ANO5: variants seen among roughly 807,000 people sequenced by gnomAD.
ANO5 encodes anoctamin-5.
A neutral mutation model predicts 121.0 loss-of-function variants in ANO5; 109 were observed. The observed-to-expected ratio is 0.90, with a 90% CI of 0.77 to 1.06. ANO5 has a LOEUF of 1.06. Ranked by LOEUF, ANO5 falls within the 50% of genes least tolerant of loss-of-function variation. The pLI is 0.00. For missense variants in ANO5, 1,064 were observed against 1,078.5 expected (o/e 0.99, Z 0.19); for synonymous variants, 406 against 359.9 (o/e 1.13, Z -1.45).
At chr11:22,220,034 C>T (rs1434760887) in intron 4 of ANO5, among the ~76,000 whole-genome samples, 1 of 151,600 alleles carries the variant, frequency 6.6e-6, no homozygotes, top group Non-Finnish European at 1.5e-5. Flanking sequence ...ACAGATCAAA[C>T]ATGAGACTTA....
intron 9 of ANO5, among the ~76,000 whole-genome samples, chr11:22,246,069 C>G (rs558950654): frequency 6.6e-6 from 1 of 152,118 alleles, no homozygotes; most frequent in South Asian, 2.1e-4. Context: ...TTCATTTCTA[C>G]GAGATTCTAA....
At chr11:22,222,947 G>A (rs797001825) in intron 5 of ANO5, among the ~76,000 whole-genome samples, 1 of 151,936 alleles carries the variant, frequency 6.6e-6, no homozygotes, top group Non-Finnish European at 1.5e-5. Flanking sequence ...TTCAAGCTTA[G>A]CTGATCATAT....
intron 7 of ANO5, among the ~76,000 whole-genome samples, 167 bp downstream of exon 7, chr11:22,227,753 C>T (rs575122567): frequency 2.0e-5 from 3 of 152,128 alleles, no homozygotes; most frequent in East Asian, 3.9e-4. Flanking sequence ...ACCACATAAA[C>T]GTATTACTCT....
In ANO5 at chr11:22,269,251, GAA is replaced by G. The variant is rs1455884679; in HGVS notation, c.1899-1059_1899-1058del. ...AAGGAAGGAAGGAAGGAGAAAAAAA[GAA>G]AGAGAAGGAAAAGGGAAGGGAAGGG... On this transcript the variant is annotated intron_variant, in intron 17 of 21. Transcript: ENST00000324559. 6.9e-5 allele frequency among the ~76,000 whole-genome samples: 6 copies of G among 86,790 alleles called. 1 individual carries two copies. The highest frequency in any genetic ancestry group is 2.9e-4 in the African/African-American group (5 of 16,952). The allele number at this position is 86,790 out of a possible 152,430, so 56.9% of individuals were successfully genotyped here.
rs1554929640 is a variant in ANO5, at chr11:22,252,054, A to AAAACT, written c.1180+1046_1180+1047insCTAAA. 2.3e-3 allele frequency among the ~76,000 whole-genome samples: 324 copies of AAAACT among 139,952 alleles called. 2 individuals are homozygous for AAAACT. The highest frequency in any genetic ancestry group is 4.1e-3 in the Non-Finnish European group (270 of 66,274). 91.8% of individuals were successfully genotyped at this position (139,952 alleles called of 152,430 possible). A position where few individuals can be genotyped will look rare whatever the true frequency, so the allele number is the denominator to read the frequency against. Reference sequence around the variant, plus strand: ...CAAAAAAAAAAAAAAAAAAAAAAAAAAAAAACTAGGCAAGGGCTGCATTAT... The same window carrying AAAACT: ...CAAAAAAAAAAAAAAAAAAAAAAAAAAAACTAAAAACTAGGCAAGGGCTGCATTAT... On this transcript the variant is annotated intron_variant, in intron 12 of 21. Transcript: ENST00000324559.
In ANO5 at chr11:22,274,596, A is replaced by G. The variant is rs1854761207; in HGVS notation, c.2263A>G (p.Ile755Val). ...NAFIVAFTSDIIPRLVYYYAY... is the reference protein window; with the variant it reads ...NAFIVAFTSDVIPRLVYYYAY... ...CTTTATTGTTGCATTTACGTCAGAC[A>G]TCATTCCCCGTCTAGTTTACTACTA... Residue 755 changes from isoleucine (I) to valine (V), a missense_variant, in exon 20 of 22, where the codon ATC (isoleucine) becomes GTC (valine). Transcript: ENST00000324559. 1.2e-6 allele frequency: 2 copies of G among 1,606,066 alleles called. No individual in the cohort carries two copies. Among genetic ancestry groups the G allele is most frequent in the South Asian group, 1.1e-5 (1 of 90,746 alleles).
chr11:22,227,655 A>G (rs1852889528), intron 7 of ANO5, 69 bp downstream of exon 7: 1 of 1,559,656 alleles, frequency 6.4e-7, no homozygotes, highest in South Asian at 1.1e-5. Flanking sequence ...GCTTTTATAC[A>G]TGTGCAGATG....
intron 1 of ANO5, among the ~76,000 whole-genome samples, chr11:22,201,524 G>A (rs991230035): frequency 6.6e-6 from 1 of 152,120 alleles, no homozygotes; most frequent in African/African-American, 2.4e-5. Context: ...GAGAGAGAGA[G>A]TGTGTTATTC....
At chr11:22,252,013 G>C (rs868571034) in intron 12 of ANO5, among the ~76,000 whole-genome samples, 14 of 101,614 alleles carry the variant, frequency 1.4e-4, no homozygotes, top group Middle Eastern at 0.025. Context: ...CTGAGAGACA[G>C]AGCAAGACGC....
At position 22,259,650 on chromosome 11, in the gene ANO5, C is replaced by G; in HGVS notation, c.1539C>G (p.Thr513=). 1 of 1,613,964 alleles carries G rather than the reference C, an allele frequency of 6.2e-7. No individual in the cohort carries two copies. The highest frequency in any genetic ancestry group is 8.5e-7 in the Non-Finnish European group (1 of 1,179,954). ...QVKSFLTPQI[T]TSLTGSCLNF... ...AAAGCTTCCTTACTCCTCAGATAAC[C>G]ACATCACTCACAGGATCATGCTTGA... Residue 513 remains threonine (T), a synonymous_variant, in exon 15 of 22, where the codon ACC becomes ACG. Coordinates refer to ENST00000324559, the MANE Select transcript of ANO5 (RefSeq NM_213599.3).
intron 8 of ANO5, 26 bp from the exon 9 acceptor site, chr11:22,239,543 T>G (rs1408601158): frequency 6.5e-7 from 1 of 1,528,496 alleles, no homozygotes; most frequent in Non-Finnish European, 9.1e-7. Flanking sequence ...TCGTCTTTTA[T>G]GTACCCTCCT....
intron 7 of ANO5, among the ~76,000 whole-genome samples, chr11:22,234,268 T>C (rs1853142176): frequency 2.0e-5 from 3 of 152,150 alleles, no homozygotes. Context: ...TCCTTGCAAA[T>C]TGATGTGCAT....
intron 6 of ANO5, 132 bp downstream of exon 6, chr11:22,226,184 G>A (rs566985454): frequency 4.7e-5 from 33 of 708,576 alleles, no homozygotes; most frequent in East Asian, 2.7e-5. Flanking sequence ...TATGTGCACC[G>A]GGATGATAGG....
rs1200195629 is a variant in ANO5 at position 22,236,266 on chromosome 11, C to T, written c.752C>T (p.Pro251Leu). The change falls in exon 8 of 22, where the codon CCA becomes CTA. Residue 251 changes from proline to leucine, a missense_variant. Transcript: ENST00000324559. ...LNSNTYSSAY[P>L]LHDGQYWKPS... The stretch of plus-strand genomic sequence containing the variant: ...TCTAACACTTACTCATCTGCCTATC[C>T]ACTCCATGATGTATGTATAGGTTTG... 3 of 1,609,384 alleles carry T rather than the reference C, an allele frequency of 1.9e-6. No individual in the cohort carries two copies. Among genetic ancestry groups the T allele is most frequent in the Non-Finnish European group, 8.5e-7 (1 of 1,176,044 alleles).
chr11:22,259,473 A>C, intron 14 of ANO5, 46 bp from the exon 15 acceptor site: 7 of 1,509,756 alleles, frequency 4.6e-6, no homozygotes, highest in Non-Finnish European at 6.5e-6. Flanking sequence ...TATTCATAAC[A>C]GAGATACAGA....
In ANO5 at chr11:22,221,162, T is replaced by C. The variant is rs1342171097; in HGVS notation, c.246T>C (p.Phe82=). ...FFRDGIRQID[F]VLSYVDDVKK... The stretch of plus-strand genomic sequence containing the variant: ...GAGATGGGATTAGGCAAATTGATTT[T>C]GTGCTTTCCTACGTTGATGATGTAA... The change falls in exon 5 of 22, where the codon TTT becomes TTC. Residue 82 remains phenylalanine, a synonymous_variant. Coordinates refer to ENST00000324559, the MANE Select transcript of ANO5 (RefSeq NM_213599.3). 5 of 1,611,958 alleles carry C rather than the reference T, an allele frequency of 3.1e-6. No individual in the cohort carries two copies. The highest frequency in any genetic ancestry group is 3.3e-4 in the Middle Eastern group (2 of 6,064).
At position 22,270,552 on chromosome 11, in the gene ANO5, ACTGGTTGGC is replaced by A; in HGVS notation, c.2029+111_2029+119del. 1.2e-5 allele frequency: 18 copies of A among 1,505,866 alleles called. No homozygotes were observed. In the Admixed American group the frequency reaches 1.2e-4, roughly 10 times the overall value. The allele number at this position is 1,505,866 out of a possible 1,614,324, so 93.3% of individuals were successfully genotyped here. A position where few individuals can be genotyped will look rare whatever the true frequency, so the allele number is the denominator to read the frequency against. On this transcript the variant is annotated intron_variant, in intron 18 of 21. Transcript: ENST00000324559. ...ATGGTAGGTGTTCAATAAATCTTTG[ACTGGTTGGC>A]AAAAAAGATGAGTGGAGGGATATAA...
In ANO5 at chr11:22,218,281, G is replaced by T. The variant is rs1852530155; in HGVS notation, c.174G>T (p.Arg58=). The T allele has an allele frequency of 6.2e-7, 1 of 1,613,340 alleles. No homozygotes were observed. Among genetic ancestry groups the T allele is most frequent in the Non-Finnish European group, 8.5e-7 (1 of 1,179,660 alleles). Residue 58 remains arginine, a synonymous_variant, in exon 4 of 22, where the codon CGG becomes CGT. Coordinates refer to ENST00000324559, the MANE Select transcript of ANO5 (RefSeq NM_213599.3). ...GATTCAATTTGTTCCTGAGGCGGCG[G>T]CTTATGGTAAAACCAGTGCTGAATG... ...AKRFNLFLRR[R]LMFQKNQQSK...
rs886043973 is a variant in ANO5, at chr11:22,279,719, T to C, written c.2696T>C (p.Val899Ala). The C allele has an allele frequency of 1.9e-6, 3 of 1,612,830 alleles. No individual in the cohort carries two copies. Among genetic ancestry groups the C allele is most frequent in the Admixed American group, 1.7e-5 (1 of 59,868 alleles). Residue 899 changes from valine to alanine, a missense_variant, in exon 22 of 22, where the codon GTC becomes GCC. Physicochemically the swap from Val to Ala is moderately conservative, Grantham distance 64. Coordinates refer to ENST00000324559, the MANE Select transcript of ANO5 (RefSeq NM_213599.3). Reference sequence around the variant, plus strand: ...AATTCTAATGAATTTGCCAAGCATGTCATGATTGAGGAAAACAAAGCACAG... The same window carrying C: ...AATTCTAATGAATTTGCCAAGCATGCCATGATTGAGGAAAACAAAGCACAG... ...GINSNEFAKH[V>A]MIEENKAQLA...
Sources: allele counts gnomAD v4.1 joint callset (sites outside exome capture counted in the v4.1 genomes callset), GRCh38; gene constraint gnomAD v4.1.1; transcripts MANE v1.5; gene names NCBI Gene and HGNC (gene_info 2026-07-23, HGNC 2026-07-21).